CNTNAP5: variants seen among roughly 807,000 people sequenced by gnomAD.
CNTNAP5 encodes contactin-associated protein-like 5.
Under a neutral mutation model 150.2 loss-of-function variants are expected in CNTNAP5, and 72 were observed. That is an observed-to-expected ratio of 0.48 (90% CI 0.40 to 0.58). The LOEUF is 0.58. Among genes scored for constraint, CNTNAP5 ranks in the 20% least tolerant of loss-of-function variants. The pLI, the probability that CNTNAP5 is intolerant of heterozygous loss-of-function variation, is 0.00. For synonymous variants in CNTNAP5, 672 were observed against 619.8 expected (o/e 1.08, Z -1.25); for missense variants, 1,636 against 1,626.2 (o/e 1.01, Z -0.10).
At chr2:124,222,886 A>T (rs1445212585) in intron 2 of CNTNAP5, among the ~76,000 whole-genome samples, 1 of 152,040 alleles carries the variant, frequency 6.6e-6, no homozygotes, top group African/African-American at 2.4e-5. Flanking sequence ...TTAAAATGGG[A>T]TTCATAATTT....
chr2:124,139,913 C>T (rs1340029681), intron 1 of CNTNAP5, among the ~76,000 whole-genome samples: 1 of 152,204 alleles, frequency 6.6e-6, no homozygotes, highest in Admixed American at 6.5e-5. Context: ...AGACAGTGGG[C>T]GCAGGCCAGT....
chr2:124,351,211 G>T (rs990477076), intron 3 of CNTNAP5, among the ~76,000 whole-genome samples: 3 of 152,200 alleles, frequency 2.0e-5, no homozygotes, highest in African/African-American at 7.2e-5. Flanking sequence ...GATATTCTTT[G>T]CATTCTTTAA....
chr2:124,453,826 A>G (rs1263124241), intron 6 of CNTNAP5, among the ~76,000 whole-genome samples: 1 of 152,154 alleles, frequency 6.6e-6, no homozygotes, highest in African/African-American at 2.4e-5. Context: ...TCAGACAAAC[A>G]AATGCTGAGA....
chr2:124,460,405 A>G (rs1050481042), intron 6 of CNTNAP5, among the ~76,000 whole-genome samples: 5 of 152,208 alleles, frequency 3.3e-5, no homozygotes, highest in African/African-American at 1.2e-4. Flanking sequence ...TTAAAGTTGC[A>G]TGCACTGATT....
rs1374972223 is a variant in CNTNAP5 at position 124,764,014 on chromosome 2, C to T, written c.2400C>T (p.Ala800=). 3.7e-6 allele frequency: 6 copies of T among 1,613,316 alleles called. No homozygotes were observed. The highest frequency in any genetic ancestry group is 5.1e-6 in the Non-Finnish European group (6 of 1,179,478). ...FWNAVSFYTE[A]SYLHFPTFHA... is the part of the protein sequence containing the mutation. Reference sequence around the variant, plus strand: ...ACGCCGTCTCATTTTATACAGAAGCCTCTTACCTCCACTTTCCTACCTTCC... The same window carrying T: ...ACGCCGTCTCATTTTATACAGAAGCTTCTTACCTCCACTTTCCTACCTTCC... The change falls in exon 16 of 24, where the codon GCC becomes GCT. Residue 800 remains alanine, a synonymous_variant. Coordinates refer to ENST00000682447, the MANE Select transcript of CNTNAP5 (RefSeq NM_001367498.1).
chr2:124,143,693 T>TGGGCAAAA (rs1439514800), intron 1 of CNTNAP5, among the ~76,000 whole-genome samples: 2 of 128,882 alleles, frequency 1.6e-5, no homozygotes, highest in Non-Finnish European at 3.2e-5. Context: ...TCATACTGAA[T>TGGGCAAAA]GGGCAAAAAC....
chr2:124,837,338 G>A (rs976147518), intron 19 of CNTNAP5, among the ~76,000 whole-genome samples: 1 of 152,124 alleles, frequency 6.6e-6, no homozygotes, highest in Non-Finnish European at 1.5e-5. Flanking sequence ...TCTTGACTAT[G>A]AGAAATCCTC....
At chr2:124,336,410 C>T (rs1483843150) in intron 3 of CNTNAP5, among the ~76,000 whole-genome samples, 1 of 151,936 alleles carries the variant, frequency 6.6e-6, no homozygotes, top group African/African-American at 2.4e-5. Context: ...TTTTAGGGTA[C>T]ATGTGCATAA....
Position 124,748,161 on chromosome 2 carries a change from G to A in CNTNAP5, c.2234+776G>A, listed in dbSNP as rs116117229. Among the ~76,000 whole-genome samples the A allele has an allele frequency of 1.3e-3, 193 of 152,102 alleles. 1 individual carries two copies. Among genetic ancestry groups the A allele is most frequent in the African/African-American group, 4.3e-3 (177 of 41,502 alleles). On this transcript the variant is annotated intron_variant, in intron 14 of 23. Transcript: ENST00000682447. ...TTGCTACCAATAAACACATAGCAAA[G>A]GAAATGTATATTTATTAAGCATCTA...
At chr2:124,444,862 C>T (rs1692772157) in intron 5 of CNTNAP5, among the ~76,000 whole-genome samples, 1 of 152,058 alleles carries the variant, frequency 6.6e-6, no homozygotes, top group South Asian at 2.1e-4. Flanking sequence ...TCAGCCTGTC[C>T]CTGCTGCATA....
At chr2:124,213,939 C>A (rs1209386364) in intron 1 of CNTNAP5, among the ~76,000 whole-genome samples, 1 of 152,146 alleles carries the variant, frequency 6.6e-6, no homozygotes, top group Non-Finnish European at 1.5e-5. Context: ...TATATTCCTA[C>A]AAAATTGTCA....
In CNTNAP5 at chr2:124,308,105, G is replaced by A. The variant is rs569547062; in HGVS notation, c.381+65712G>A. On this transcript the variant is annotated intron_variant, in intron 3 of 23. Coordinates refer to ENST00000682447, the MANE Select transcript of CNTNAP5 (RefSeq NM_001367498.1). ...ATTATTTACTAAGCTCCTCCCACAA[G>A]CAAAGTGAATTTCAAGGAAGAAATG... Among the ~76,000 whole-genome samples the A allele has an allele frequency of 6.1e-3, 923 of 152,308 alleles. 3 individuals carry two copies. The highest frequency in any genetic ancestry group is 0.024 in the Middle Eastern group (7 of 294).
intron 13 of CNTNAP5, among the ~76,000 whole-genome samples, chr2:124,657,931 G>A (rs976264334): frequency 2.0e-5 from 3 of 152,312 alleles, no homozygotes; most frequent in South Asian, 4.1e-4. Context: ...CATTGAAGTT[G>A]TTTCTATCAG....
chr2:124,740,450 G>A (rs1214762110), intron 13 of CNTNAP5, among the ~76,000 whole-genome samples: 1 of 152,170 alleles, frequency 6.6e-6, no homozygotes, highest in Non-Finnish European at 1.5e-5. Flanking sequence ...AGGCATGGAA[G>A]TCAGGTTACA....
intron 19 of CNTNAP5, among the ~76,000 whole-genome samples, chr2:124,826,829 C>T (rs1300687040): frequency 6.6e-6 from 1 of 152,188 alleles, no homozygotes; most frequent in Non-Finnish European, 1.5e-5. Flanking sequence ...CCTTCCCAGA[C>T]CTCTTCCTGA....
intron 1 of CNTNAP5, among the ~76,000 whole-genome samples, chr2:124,107,796 TG>T (rs1683201975): frequency 6.6e-6 from 1 of 152,226 alleles, no homozygotes; most frequent in African/African-American, 2.4e-5. Flanking sequence ...CAGGAAGCCC[TG>T]ATGACCTGTG....
chr2:124,886,549 T>C (rs1038687538), intron 21 of CNTNAP5, among the ~76,000 whole-genome samples: 5 of 152,090 alleles, frequency 3.3e-5, no homozygotes, highest in African/African-American at 1.2e-4. Flanking sequence ...TCATATTTCA[T>C]GCTACTTTTT....
At chr2:124,482,551 A>T (rs1693784490) in intron 7 of CNTNAP5, among the ~76,000 whole-genome samples, 1 of 152,196 alleles carries the variant, frequency 6.6e-6, no homozygotes, top group African/African-American at 2.4e-5. Context: ...CGTGAACAGC[A>T]CTGATCTCTG....
rs577720525 is a variant in CNTNAP5 at position 124,299,026 on chromosome 2, C to T, written c.381+56633C>T. Among the ~76,000 whole-genome samples, 9 of 151,944 alleles carry T rather than the reference C, an allele frequency of 5.9e-5. No homozygotes were observed. The South Asian group carries it at 1.3e-3, about 21-fold the overall frequency. On this transcript the variant is annotated intron_variant, in intron 3 of 23. Transcript: ENST00000682447. Reference sequence around the variant, plus strand: ...AGCCATGAAAAATAAGTCTCGCAGACAATTTGAAGGGGAAGAAAAATGGAA... The same window carrying T: ...AGCCATGAAAAATAAGTCTCGCAGATAATTTGAAGGGGAAGAAAAATGGAA...
Sources: allele counts gnomAD v4.1 joint callset (sites outside exome capture counted in the v4.1 genomes callset), GRCh38; gene constraint gnomAD v4.1.1; transcripts MANE v1.5; gene names NCBI Gene and HGNC (gene_info 2026-07-23, HGNC 2026-07-21).